STK26: variants seen among roughly 807,000 people sequenced by gnomAD.
STK26 encodes serine/threonine kinase 26.
STK26 carries 14 observed loss-of-function variants against 34.7 expected under a neutral mutation model. The ratio of observed to expected loss-of-function variants is 0.40; its 90% CI spans 0.27 to 0.63. The LOEUF (loss-of-function observed/expected upper bound fraction) is 0.63, where lower values mean the gene tolerates loss of function less well. STK26 is among the 30% of genes least tolerant of loss of function. The pLI is 0.38. For synonymous variants in STK26, 100 were observed against 109.8 expected (o/e 0.91, Z 0.56); for missense variants, 226 against 309.1 (o/e 0.73, Z 2.02).
chrX:132,055,546 G>A, intron 3 of STK26: 2 of 1,107,082 alleles, frequency 1.8e-6, no homozygotes, highest in African/African-American at 1.8e-5. Context: ...GTGGTCCTTG[G>A]GTTCCAGAGT....
At position 132,068,341 on chromosome X, in the gene STK26, A is replaced by G. The variant is rs1406485123; in HGVS notation, c.439+18A>G. 8.4e-7 allele frequency: 1 copy of G among 1,196,825 alleles called. No homozygotes were observed. Among genetic ancestry groups the G allele is most frequent in the Non-Finnish European group, 1.1e-6 (1 of 889,031 alleles). On this transcript the variant is annotated intron_variant, in intron 5 of 11. Transcript: ENST00000394334. Reference sequence around the variant, plus strand: ...CATAAAAGGTATACAAAAGTCTAATATGAACCTGAGAAAAATAGAAGCATT... The same window carrying G: ...CATAAAAGGTATACAAAAGTCTAATGTGAACCTGAGAAAAATAGAAGCATT...
chrX:132,069,692 T>A (rs5933059), intron 7 of STK26, 29 bp downstream of exon 7: 1 of 949,264 alleles, frequency 1.1e-6, no homozygotes, highest in Non-Finnish European at 1.4e-6. Context: ...TATTACTATT[T>A]GTTTTCTATT....
chrX:132,043,468 T>C (rs935620735), intron 2 of STK26, among the ~76,000 whole-genome samples: 1 of 111,395 alleles, frequency 9.0e-6, no homozygotes, highest in African/African-American at 3.3e-5. Flanking sequence ...TTGTATGGCC[T>C]TTTCCCCCTT....
intron 8 of STK26, 69 bp downstream of exon 8, chrX:132,071,286 C>T (rs776428425): frequency 1.7e-5 from 18 of 1,067,717 alleles, no homozygotes; most frequent in Non-Finnish European, 2.0e-5. Context: ...TAGCTATGCT[C>T]CAGTGTGCTT....
intron 4 of STK26, among the ~76,000 whole-genome samples, chrX:132,065,187 T>A (rs758212969): frequency 8.9e-6 from 1 of 111,922 alleles, no homozygotes; most frequent in South Asian, 3.7e-4. Context: ...GTAATAATCC[T>A]TCATGCATAT....
Position 132,065,768 on chromosome X carries a change from T to C in STK26, c.330+2279T>C, listed in dbSNP as rs140437288. 6.1e-3 allele frequency among the ~76,000 whole-genome samples: 684 copies of C among 112,461 alleles called. 5 individuals carry two copies. The highest frequency in any genetic ancestry group is 0.021 in the African/African-American group (645 of 31,028). ...CCTTTAGCCTCCTTGTGTCTTAATT[T>C]ATTCACATGTTAAATGAAGAAATTG... On this transcript the variant is annotated intron_variant, in intron 4 of 11. Coordinates refer to ENST00000394334, the MANE Select transcript of STK26 (RefSeq NM_016542.4).
chrX:132,029,708 T>C (rs1473555470), intron 2 of STK26, among the ~76,000 whole-genome samples: 1 of 111,031 alleles, frequency 9.0e-6, no homozygotes, highest in Non-Finnish European at 1.9e-5. Context: ...TAACCAGTGA[T>C]TGGCCAAATT....
chrX:132,063,379 G>C, intron 3 of STK26, 54 bp from the exon 4 acceptor site: 1 of 1,023,140 alleles, frequency 9.8e-7, no homozygotes, highest in Non-Finnish European at 1.4e-6. Context: ...ATTTTTGCTA[G>C]TATGTTATTT....
chrX:132,051,422 C>T (rs758767508), intron 2 of STK26, among the ~76,000 whole-genome samples: 147 of 111,001 alleles, frequency 1.3e-3, no homozygotes, highest in Non-Finnish European at 1.3e-3. Flanking sequence ...GTATGGCACG[C>T]GGAAATCATC....
intron 2 of STK26, among the ~76,000 whole-genome samples, chrX:132,041,840 A>T (rs1177256466): frequency 9.0e-6 from 1 of 111,558 alleles, no homozygotes; most frequent in East Asian, 2.8e-4. Context: ...TGTTAAATTG[A>T]TTTCTAAATA....
chrX:132,031,576 G>A (rs1239754950), intron 2 of STK26, among the ~76,000 whole-genome samples: 1 of 111,678 alleles, frequency 9.0e-6, no homozygotes, highest in Non-Finnish European at 1.9e-5. Flanking sequence ...TCTGTGCCTG[G>A]CTTAATATAA....
Position 132,023,516 on chromosome X carries a change from C to T in STK26, c.-102C>T. 1 of 1,032,312 alleles carries T rather than the reference C, an allele frequency of 9.7e-7. No homozygotes were observed. The highest frequency in any genetic ancestry group is 1.3e-6 in the Non-Finnish European group (1 of 752,458). 85.1% of individuals were successfully genotyped at this position (1,032,312 alleles called of 1,213,427 possible). A position where few individuals can be genotyped will look rare whatever the true frequency, so the allele number is the denominator to read the frequency against. ...TTTGTGTGTCCTCCCAGGCCCCGATCGAAAAGCCTGGGAGGGCCGCCGAAC... is the reference window on the plus strand; with the variant it reads ...TTTGTGTGTCCTCCCAGGCCCCGATTGAAAAGCCTGGGAGGGCCGCCGAAC... On this transcript the variant is annotated 5_prime_UTR_variant, in exon 2 of 12. Transcript: ENST00000394334.
At chrX:132,063,287 G>A (rs924918364) in intron 3 of STK26, 146 bp from the exon 4 acceptor site, 1 of 502,280 alleles carries the variant, frequency 2.0e-6, no homozygotes, top group Admixed American at 3.5e-5. Flanking sequence ...ATCTCCAAGG[G>A]TTCAATTGTT....
rs1358717122 is a variant in STK26, at chrX:132,064,490, G to A, written c.330+1001G>A. 3.6e-5 allele frequency among the ~76,000 whole-genome samples: 4 copies of A among 111,817 alleles called. No homozygotes were observed. The East Asian group carries it at 1.1e-3, about 32-fold the overall frequency. On this transcript the variant is annotated intron_variant, in intron 4 of 11. Transcript: ENST00000394334. ...CCCAATTCAGTGTGATCCTATCAAT[G>A]TTGAGTTTCTTTCCCTTCCTTAAAA...
chrX:132,048,576 C>T (rs1286587176), intron 2 of STK26, among the ~76,000 whole-genome samples: 1 of 111,702 alleles, frequency 9.0e-6, no homozygotes, highest in African/African-American at 3.3e-5. Context: ...GTATAGTTTC[C>T]TCCCTGTAAA....
intron 11 of STK26, 57 bp downstream of exon 11, chrX:132,073,150 T>C (rs1299867838): frequency 1.8e-6 from 2 of 1,086,106 alleles, no homozygotes; most frequent in African/African-American, 3.7e-5. Context: ...TATGTTAATT[T>C]ATGATGCAAT....
rs753756225 is a variant in STK26, at chrX:132,072,359, G to C, written c.1024G>C (p.Ala342Pro). 1 of 1,188,467 alleles carries C rather than the reference G, an allele frequency of 8.4e-7. No individual in the cohort carries two copies. The highest frequency in any genetic ancestry group is 2.2e-5 in the Admixed American group (1 of 45,844). The change falls in exon 9 of 12, where the codon GCA (alanine) becomes CCA (proline). Residue 342 changes from alanine to proline, a missense_variant and splice_region_variant. Physicochemically the swap from Ala to Pro is conservative, Grantham distance 27 (BLOSUM62 -1). This residue lies in a region of STK26 where 126 missense variants were observed against 132.4 expected (regional missense o/e 0.95). Coordinates refer to ENST00000394334, the MANE Select transcript of STK26 (RefSeq NM_016542.4). Reference sequence around the variant, plus strand: ...TGATCCAAAGAAAGTACAGAATGGGGCAGTATGTATATGGAGACAATTACT... The same window carrying C: ...TGATCCAAAGAAAGTACAGAATGGGCCAGTATGTATATGGAGACAATTACT... ...KPDPKKVQNG[A>P]EQDLVQTLSC... is the part of the protein sequence containing the mutation.
intron 7 of STK26, among the ~76,000 whole-genome samples, chrX:132,070,353 G>A (rs1927375548): frequency 9.0e-6 from 1 of 111,697 alleles, no homozygotes; most frequent in Non-Finnish European, 1.9e-5. Flanking sequence ...TTTTTATTTG[G>A]TGTTTAGAAA....
At chrX:132,045,982 A>G (rs947438483) in intron 2 of STK26, among the ~76,000 whole-genome samples, 1 of 112,223 alleles carries the variant, frequency 8.9e-6, no homozygotes, top group African/African-American at 3.2e-5. Flanking sequence ...AGTGCTGCCT[A>G]TTATGACTTT....
Sources: allele counts gnomAD v4.1 joint callset (sites outside exome capture counted in the v4.1 genomes callset), GRCh38; gene constraint gnomAD v4.1.1; regional missense constraint gnomAD v4.1.1; transcripts MANE v1.5; gene names NCBI Gene and HGNC (gene_info 2026-07-23, HGNC 2026-07-21).